NIPA2: variants seen among roughly 807,000 people sequenced by gnomAD.
The protein encoded by NIPA2 is NIPA magnesium transporter 2, also known as magnesium transporter NIPA2.
In NIPA2, 11 loss-of-function variants were observed where a neutral mutation model predicts 29.7. The observed-to-expected ratio is 0.37, with a 90% CI of 0.23 to 0.61. The LOEUF is 0.61. NIPA2 is among the 20% of genes least tolerant of loss of function. NIPA2 has a pLI of 0.66. For synonymous variants in NIPA2, 183 were observed against 161.9 expected (o/e 1.13, Z -0.99); for missense variants, 426 against 437.9 (o/e 0.97, Z 0.24).
intron 7 of NIPA2, among the ~76,000 whole-genome samples, chr15:22,864,839 T>C (rs1328839412): frequency 1.3e-5 from 2 of 149,558 alleles, no homozygotes; most frequent in Non-Finnish European, 3.0e-5. Context: ...CTTTGCTTTC[T>C]GACTTACGAA....
Position 22,868,266 on chromosome 15 carries a change from G to GTT in NIPA2, c.*1421_*1422dup, listed in dbSNP as rs1555392444. On this transcript the variant is annotated 3_prime_UTR_variant, in exon 8 of 8. Transcript: ENST00000337451. ...AATACTACAGATGTACTACGTATCT[G>GTT]TTTATATACTGTACCTACATCTGTG... 9.2e-5 allele frequency: 14 copies of GTT among 152,290 alleles called. No individual in the cohort carries two copies. In the East Asian group the frequency reaches 2.7e-3, roughly 29 times the overall value. The allele number at this position is 152,290 out of a possible 1,614,324, so 9.4% of individuals were successfully genotyped here.
At chr15:22,859,782 A>T (rs111788739) in intron 6 of NIPA2, among the ~76,000 whole-genome samples, 1,524 of 152,238 alleles carry the variant, frequency 0.01, 15 homozygotes, top group Non-Finnish European at 0.015. Context: ...ACTATATGTA[A>T]AACAGGGTTA....
At chr15:22,843,333 G>A (rs909263573) in intron 2 of NIPA2, among the ~76,000 whole-genome samples, 6 of 151,542 alleles carry the variant, frequency 4.0e-5, no homozygotes, top group Non-Finnish European at 5.9e-5. Flanking sequence ...TGAAACCCCC[G>A]TCTCTACTAA....
At chr15:22,844,388 G>A (rs753263073) in intron 2 of NIPA2, among the ~76,000 whole-genome samples, 10 of 151,782 alleles carry the variant, frequency 6.6e-5, no homozygotes, top group Admixed American at 2.6e-4. Context: ...GTGAAACCCC[G>A]TCTCTACTAC....
intron 3 of NIPA2, among the ~76,000 whole-genome samples, chr15:22,847,189 AGCCACCGCGCCCG>A (rs1898988731): frequency 6.6e-6 from 1 of 151,940 alleles, no homozygotes; most frequent in African/African-American, 2.4e-5. Context: ...TACAGGCCTG[AGCCACCGCGCCCG>A]GCCTTGTGAG....
chr15:22,867,006 T>G lies in NIPA2; in HGVS notation c.*159T>G, dbSNP rs1175022855. On this transcript the variant is annotated 3_prime_UTR_variant, in exon 8 of 8. Transcript: ENST00000337451. Reference sequence around the variant, plus strand: ...ACCAAGAAATTACTTTTCTTGTATTTAAACAAACAATGGTAGCTCACTAAA... The same window carrying G: ...ACCAAGAAATTACTTTTCTTGTATTGAAACAAACAATGGTAGCTCACTAAA... 1 of 667,450 alleles carries G rather than the reference T, an allele frequency of 1.5e-6. No individual in the cohort carries two copies. The highest frequency in any genetic ancestry group is 2.2e-5 in the South Asian group (1 of 45,880). The allele number at this position is 667,450 out of a possible 1,614,324, so 41.3% of individuals were successfully genotyped here.
At position 22,857,427 on chromosome 15, in the gene NIPA2, C is replaced by T. The variant is rs193161014; in HGVS notation, c.197-1113C>T. On this transcript the variant is annotated intron_variant, in intron 5 of 7. Transcript: ENST00000337451. ...TTGCAGTGCAGACTGGGCGACAGAG[C>T]GAGACTCTGTCTCAAAAAAAAAAAA... Among the ~76,000 whole-genome samples the T allele has an allele frequency of 9.9e-3, 1,394 of 140,580 alleles. 22 individuals carry two copies. Among genetic ancestry groups the T allele is most frequent in the African/African-American group, 0.037 (1,308 of 35,358 alleles). The allele number at this position is 140,580 out of a possible 152,430, so 92.2% of individuals were successfully genotyped here.
chr15:22,862,895 A>ATT (rs2058716824), intron 7 of NIPA2, among the ~76,000 whole-genome samples: 4 of 103,430 alleles, frequency 3.9e-5, no homozygotes, highest in East Asian at 3.4e-4. Context: ...GTTTGCCTTT[A>ATT]TTCTTTTTTT....
At chr15:22,846,818 A>AATTAATAATAATAAT (rs34966379) in intron 3 of NIPA2, among the ~76,000 whole-genome samples, 21 of 135,840 alleles carry the variant, frequency 1.5e-4, no homozygotes, top group Admixed American at 3.7e-4. Context: ...CCTGTCTCCA[A>AATTAATAATAATAAT]AATAATAATA....
chr15:22,854,621 C>T (rs2058048211), intron 5 of NIPA2, among the ~76,000 whole-genome samples: 1 of 151,944 alleles, frequency 6.6e-6, no homozygotes. Flanking sequence ...TGGCAGGCGC[C>T]TGTAATCACA....
intron 7 of NIPA2, among the ~76,000 whole-genome samples, chr15:22,865,331 A>G (rs182084112): frequency 4.8e-4 from 73 of 151,994 alleles, no homozygotes; most frequent in African/African-American, 1.8e-3. Context: ...CTAAGAATAC[A>G]AAAAATTAGC....
chr15:22,838,737 G>T lies in NIPA2; in HGVS notation c.-536G>T, dbSNP rs931870482. The T allele has an allele frequency of 6.6e-6, 1 of 152,554 alleles. No homozygotes were observed. The highest frequency in any genetic ancestry group is 2.4e-5 in the African/African-American group (1 of 41,464). The allele number at this position is 152,554 out of a possible 1,614,324, so 9.5% of individuals were successfully genotyped here. A position where few individuals can be genotyped will look rare whatever the true frequency, so the allele number is the denominator to read the frequency against. ...AGGTTGTCCTTGGCAGGTTTTCCTC[G>T]GCGCTTCTCCATGGAGGAGGCGGTG... On this transcript the variant is annotated 5_prime_UTR_variant, in exon 1 of 8. Coordinates refer to ENST00000337451, the MANE Select transcript of NIPA2 (RefSeq NM_030922.7).
chr15:22,860,174 C>T (rs2058521002), intron 6 of NIPA2, among the ~76,000 whole-genome samples: 1 of 152,054 alleles, frequency 6.6e-6, no homozygotes, highest in South Asian at 2.1e-4. Context: ...TGCCCGCCAC[C>T]ATGCCTGACT....
Position 22,866,909 on chromosome 15 carries a change from T to A in NIPA2, c.*62T>A. The stretch of plus-strand genomic sequence containing the variant: ...GAAGTGAATTTGAATATCATCAGAA[T>A]GTGTCTGAAAAAACATTGTCCTCAA... On this transcript the variant is annotated 3_prime_UTR_variant, in exon 8 of 8. Transcript: ENST00000337451. The A allele has an allele frequency of 7.0e-7, 1 of 1,421,256 alleles. No individual in the cohort carries two copies. Among genetic ancestry groups the A allele is most frequent in the Non-Finnish European group, 9.5e-7 (1 of 1,055,904 alleles). The allele number at this position is 1,421,256 out of a possible 1,614,324, so 88.0% of individuals were successfully genotyped here.
chr15:22,847,904 TCTC>T (rs1378464419), intron 3 of NIPA2, among the ~76,000 whole-genome samples: 2 of 152,090 alleles, frequency 1.3e-5, no homozygotes, highest in Admixed American at 1.3e-4. Flanking sequence ...TTGAGGCAAT[TCTC>T]CTGCCTCAGC....
At chr15:22,846,675 G>A (rs142679706) in intron 3 of NIPA2, among the ~76,000 whole-genome samples, 2 of 151,818 alleles carry the variant, frequency 1.3e-5, no homozygotes, top group East Asian at 3.9e-4. Flanking sequence ...TAGCCAGGTG[G>A]TGTAGTGTTG....
intron 2 of NIPA2, among the ~76,000 whole-genome samples, chr15:22,842,085 T>C (rs1182701187): frequency 6.6e-6 from 1 of 152,194 alleles, no homozygotes; most frequent in African/African-American, 2.4e-5. Flanking sequence ...TTTTCCAGAA[T>C]AATGTCTTTA....
intron 3 of NIPA2, among the ~76,000 whole-genome samples, chr15:22,851,327 G>C (rs1026229259): frequency 2.0e-5 from 3 of 152,032 alleles, no homozygotes; most frequent in African/African-American, 7.2e-5. Context: ...TGTATATTAT[G>C]CCTAATTTTT....
chr15:22,865,551 T>C (rs575220165), intron 7 of NIPA2, among the ~76,000 whole-genome samples: 4 of 152,208 alleles, frequency 2.6e-5, no homozygotes, highest in East Asian at 1.9e-4. Context: ...AGTAAATTCA[T>C]GTGACTTATC....
Sources: gnomAD v4.1 joint callset for allele counts (sites outside exome capture counted in the v4.1 genomes callset) on GRCh38, gnomAD v4.1.1 for gene constraint, MANE v1.5 for transcripts, NCBI Gene and HGNC (gene_info 2026-07-23, HGNC 2026-07-21) for gene names.